Variants in ZNF717 observed in about 807,000 individuals in gnomAD.
The protein encoded by ZNF717 is zinc finger protein 717.
In ZNF717, 9 loss-of-function variants were observed where a neutral mutation model predicts 13.8. The ratio of observed to expected loss-of-function variants is 0.65; its 90% CI spans 0.39 to 1.14. The LOEUF is 1.14. Ranked by LOEUF, ZNF717 falls within the 50% of genes most tolerant of loss-of-function variation. The probability of loss-of-function intolerance (pLI) is 0.01; values close to 1 mark genes in which losing one functional copy is unlikely to be tolerated. For missense variants in ZNF717, 1,040 were observed against 1,080.7 expected, an observed-to-expected ratio of 0.96 and a Z score of 0.53; for synonymous variants, 327 against 364.1, an observed-to-expected ratio of 0.90 and a Z score of 1.16.
intron 2 of ZNF717, among the ~76,000 whole-genome samples, chr3:75,754,302 A>T (rs957315310): frequency 6.7e-6 from 1 of 148,664 alleles, no homozygotes; most frequent in Non-Finnish European, 1.5e-5. Context: ...TTTAGTGGGT[A>T]CTTCATGCCT....
rs77826574 is a variant in ZNF717 at position 75,737,651 on chromosome 3, G to A, written c.1972C>T (p.Arg658Cys). The change falls in exon 5 of 5, where the codon CGC becomes TGC. Residue 658 changes from arginine (R) to cysteine (C), a missense_variant. Arg to Cys is a radical substitution (Grantham distance 180). This residue lies in a region of ZNF717 where 873 missense variants were observed against 832.8 expected (regional missense o/e 1.05). Coordinates refer to ENST00000652011, the MANE Select transcript of ZNF717 (RefSeq NM_001290208.3). ...TGGTGTATGGTGAGGAATGACTTGC[G>A]ATGAAAGGTTTTTCCACATTCATTA... ...VCNECGKTFH[R>C]KSFLTIHQRT... The A allele has an allele frequency of 6.0e-5, 92 of 1,541,394 alleles. No individual in the cohort carries two copies. Among genetic ancestry groups the A allele is most frequent in the Middle Eastern group, 3.4e-4 (2 of 5,946 alleles).
At chr3:75,697,244 T>C (rs1937613712) in intron 6 of ZNF717, among the ~76,000 whole-genome samples, 1 of 6 alleles carries the variant, frequency 0.17, no homozygotes, top group Non-Finnish European at 0.5. Context: ...ATTATCTTTT[T>C]TTTTTTACCA....
chr3:75,715,901 C>G (rs1347138253), intron 5 of ZNF717, among the ~76,000 whole-genome samples: 1 of 152,004 alleles, frequency 6.6e-6, no homozygotes, highest in African/African-American at 2.4e-5. Context: ...TAATATATAA[C>G]CAGGTGGAGT....
At chr3:75,710,031 C>G (rs1426002519) in exon 6 of ZNF717, 1 of 152,082 alleles carries the variant, frequency 6.6e-6, no homozygotes, top group Non-Finnish European at 1.5e-5. Context: ...CAGGCTAAGT[C>G]TACCTGGAGT....
At chr3:75,713,971 G>C (rs1164928344) in intron 5 of ZNF717, among the ~76,000 whole-genome samples, 4 of 152,144 alleles carry the variant, frequency 2.6e-5, no homozygotes, top group African/African-American at 9.7e-5. Flanking sequence ...TGGGGAGAGA[G>C]AGAGACAGAG....
chr3:75,746,241 TATGTGCCAC>T (rs1186312956), intron 2 of ZNF717, among the ~76,000 whole-genome samples: 1 of 152,206 alleles, frequency 6.6e-6, no homozygotes, highest in African/African-American at 2.4e-5. Flanking sequence ...CCATGGTGTA[TATGTGCCAC>T]ATTTTCTTAA....
At chr3:75,774,818 G>A (rs200081091) in intron 2 of ZNF717, among the ~76,000 whole-genome samples, 357 of 71,792 alleles carry the variant, frequency 5.0e-3, no homozygotes, top group Middle Eastern at 0.015. Flanking sequence ...ACGGGGTTTC[G>A]CCGTGTTAGC....
chr3:75,782,829 G>A (rs1262961520), intron 2 of ZNF717, among the ~76,000 whole-genome samples: 1 of 149,912 alleles, frequency 6.7e-6, no homozygotes, highest in Non-Finnish European at 1.5e-5. Flanking sequence ...TGCACAACAC[G>A]CCGTGCTTTA....
At chr3:75,756,841 AT>A (rs1326726443) in intron 2 of ZNF717, among the ~76,000 whole-genome samples, 1 of 151,952 alleles carries the variant, frequency 6.6e-6, no homozygotes, top group African/African-American at 2.4e-5. Context: ...CGCCCGGCTA[AT>A]GTTTTGTATT....
chr3:75,712,868 G>C (rs1937969282), intron 5 of ZNF717, among the ~76,000 whole-genome samples: 1 of 151,744 alleles, frequency 6.6e-6, no homozygotes, highest in Non-Finnish European at 1.5e-5. Flanking sequence ...TCTCAATAAA[G>C]AGCATATTTG....
Position 75,736,908 on chromosome 3 carries a change from C to A in ZNF717, c.2715G>T (p.Val905=), listed in dbSNP as rs73843008. ...GGAAAAAAGAGTGATTTTGAGGGAACACATAGCCTGCCTCAGCTACGTCAG... is the reference window on the plus strand; with the variant it reads ...GGAAAAAAGAGTGATTTTGAGGGAAAACATAGCCTGCCTCAGCTACGTCAG... ...EKSDVAEAGY[V]FPQNHSFFP The change falls in exon 5 of 5, where the codon GTG becomes GTT. Residue 905 remains valine, a synonymous_variant. Coordinates refer to ENST00000652011, the MANE Select transcript of ZNF717 (RefSeq NM_001290208.3). 1 of 1,554,664 alleles carries A rather than the reference C, an allele frequency of 6.4e-7. No individual in the cohort carries two copies. Among genetic ancestry groups the A allele is most frequent in the Non-Finnish European group, 8.7e-7 (1 of 1,149,150 alleles).
At chr3:75,755,792 A>G (rs1010494250) in intron 2 of ZNF717, among the ~76,000 whole-genome samples, 1 of 152,270 alleles carries the variant, frequency 6.6e-6, no homozygotes, top group African/African-American at 2.4e-5. Flanking sequence ...TGAAAACTGC[A>G]AAGGGCAGAA....
intron 2 of ZNF717, among the ~76,000 whole-genome samples, chr3:75,752,456 T>C (rs1374359086): frequency 7.6e-5 from 9 of 118,382 alleles, no homozygotes; most frequent in African/African-American, 2.7e-4. Flanking sequence ...GTTCTGAATG[T>C]CCTCACATAG....
rs1475879278 is a variant in ZNF717, at chr3:75,724,078, TCTCC to T, written n.545-7541_545-7538del. On this transcript the variant is annotated intron_variant and non_coding_transcript_variant, in intron 4 of 5. Transcript: ENST00000491507. ...ATAATGGCGTAAGCTGTCCTCTCTC[TCTCC>T]CCACCTCGGCTGCCAAACAAGGAAG... 2.6e-5 allele frequency among the ~76,000 whole-genome samples: 4 copies of T among 151,912 alleles called. No homozygotes were observed. In the South Asian group the frequency reaches 6.2e-4, roughly 24 times the overall value.
rs1939244368 is a variant in ZNF717 at position 75,736,590 on chromosome 3, A to G, written c.*288T>C. 3 of 378,588 alleles carry G rather than the reference A, an allele frequency of 7.9e-6. No homozygotes were observed. The highest frequency in any genetic ancestry group is 2.7e-5 in the African/African-American group (1 of 37,256). The allele number at this position is 378,588 out of a possible 1,614,324, so 23.5% of individuals were successfully genotyped here. A position where few individuals can be genotyped will look rare whatever the true frequency, so the allele number is the denominator to read the frequency against. ...CTGAGAAAGGCCCTAACTCTCTTCA[A>G]TTCTATGGAGGAGAAGAGAGGTGAG... On this transcript the variant is annotated 3_prime_UTR_variant, in exon 5 of 5. Transcript: ENST00000652011.
At chr3:75,712,121 G>T (rs1937951135) in intron 5 of ZNF717, among the ~76,000 whole-genome samples, 1 of 152,278 alleles carries the variant, frequency 6.6e-6, no homozygotes, top group Non-Finnish European at 1.5e-5. Context: ...GTTGACAAAA[G>T]GTTGAAGGAA....
chr3:75,706,116 A>T (rs796116225), downstream of ZNF717, among the ~76,000 whole-genome samples: 2 of 141,514 alleles, frequency 1.4e-5, no homozygotes, highest in African/African-American at 2.7e-5. Context: ...AATTACAATC[A>T]TTTGACTCCT....
chr3:75,695,179 A>C (rs1937590524), intron 6 of ZNF717, among the ~76,000 whole-genome samples: 1 of 152,234 alleles, frequency 6.6e-6, no homozygotes, highest in Admixed American at 6.5e-5. Flanking sequence ...AAGAGCAGAA[A>C]TAGCTATACT....
intron 2 of ZNF717, among the ~76,000 whole-genome samples, chr3:75,760,760 A>C (rs1343175358): frequency 4.6e-5 from 7 of 152,174 alleles, no homozygotes; most frequent in South Asian, 2.1e-4. Flanking sequence ...AAGGGAAAAA[A>C]AAACTAATGA....
Sources: gnomAD v4.1 joint callset for allele counts (sites outside exome capture counted in the v4.1 genomes callset) on GRCh38, gnomAD v4.1.1 for gene constraint, gnomAD v4.1.1 regional missense constraint, MANE v1.5 for transcripts, NCBI Gene and HGNC (gene_info 2026-07-23, HGNC 2026-07-21) for gene names.